The following LAMP3 variants were observed in gnomAD, a reference collection of about 807,000 sequenced individuals.
LAMP3 encodes the protein lysosome-associated membrane glycoprotein 3.
Under a neutral mutation model 34.8 loss-of-function variants are expected in LAMP3, and 26 were observed. The observed-to-expected ratio is 0.75, with a 90% CI of 0.55 to 1.04. The LOEUF (loss-of-function observed/expected upper bound fraction) is 1.04. Among genes scored for constraint, LAMP3 ranks in the 50% least tolerant of loss-of-function variants. LAMP3 has a pLI of 0.00. For missense variants in LAMP3, 495 were observed against 524.0 expected (o/e 0.94, Z 0.54); for synonymous variants, 180 against 201.9 (o/e 0.89, Z 0.92).
intron 1 of LAMP3, 133 bp from the exon 2 acceptor site, chr3:183,154,524 A>T: frequency 1.5e-6 from 1 of 674,516 alleles, no homozygotes; most frequent in Admixed American, 2.9e-5. Flanking sequence ...GAAATTTGCA[A>T]GGGTACAACA....
chr3:183,130,851 T>C (rs973266338), intron 5 of LAMP3, among the ~76,000 whole-genome samples: 2 of 152,104 alleles, frequency 1.3e-5, no homozygotes, highest in Admixed American at 6.6e-5. Context: ...CTTTTTTTTT[T>C]CCTCCAGGTT....
At chr3:183,131,517 A>G (rs562118423) in intron 5 of LAMP3, among the ~76,000 whole-genome samples, 1 of 152,144 alleles carries the variant, frequency 6.6e-6, no homozygotes, top group Non-Finnish European at 1.5e-5. Context: ...TCAGATTGTC[A>G]TCAACATCTG....
At chr3:183,142,497 G>A (rs1229630279) in intron 3 of LAMP3, among the ~76,000 whole-genome samples, 1 of 151,882 alleles carries the variant, frequency 6.6e-6, no homozygotes, top group East Asian at 1.9e-4. Context: ...CACTGACATT[G>A]CCTCACTTGA....
chr3:183,134,839 A>C (rs2108598080), intron 5 of LAMP3, among the ~76,000 whole-genome samples: 1 of 152,378 alleles, frequency 6.6e-6, no homozygotes, highest in Non-Finnish European at 1.5e-5. Context: ...ATTTTTGATA[A>C]CTGGGAAGTA....
chr3:183,150,565 CTT>C (rs10665288), intron 3 of LAMP3, among the ~76,000 whole-genome samples: 56 of 86,092 alleles, frequency 6.5e-4, no homozygotes, highest in East Asian at 1.7e-3. Context: ...GCCAAAGTGA[CTT>C]TTTTTTTTTT....
intron 2 of LAMP3, among the ~76,000 whole-genome samples, chr3:183,153,392 G>C (rs1241031397): frequency 6.6e-6 from 1 of 152,168 alleles, no homozygotes; most frequent in Non-Finnish European, 1.5e-5. Flanking sequence ...GAGGGGCTGA[G>C]ATCAACGCTG....
At chr3:183,139,994 G>A (rs866317943) in intron 4 of LAMP3, among the ~76,000 whole-genome samples, 13 of 152,298 alleles carry the variant, frequency 8.5e-5, no homozygotes, top group South Asian at 2.1e-4. Flanking sequence ...TGCCAATCAT[G>A]ATCTCTGACG....
chr3:183,154,627 C>T (rs1720773132), intron 1 of LAMP3, among the ~76,000 whole-genome samples: 1 of 152,202 alleles, frequency 6.6e-6, no homozygotes, highest in African/African-American at 2.4e-5. Context: ...GACAGTTCCA[C>T]AGCACCCAGC....
At chr3:183,144,910 AC>A (rs1720395512) in intron 3 of LAMP3, among the ~76,000 whole-genome samples, 3 of 152,236 alleles carry the variant, frequency 2.0e-5, no homozygotes, top group South Asian at 4.1e-4. Context: ...TTCTCAAAAA[AC>A]AAAAAAAGCT....
intron 5 of LAMP3, among the ~76,000 whole-genome samples, chr3:183,125,743 A>G (rs1488034800): frequency 6.6e-6 from 1 of 152,134 alleles, no homozygotes; most frequent in Non-Finnish European, 1.5e-5. Context: ...TTTGTTACTT[A>G]TATATGTTTC....
At chr3:183,126,678 A>G (rs1024793723) in intron 5 of LAMP3, among the ~76,000 whole-genome samples, 2 of 152,332 alleles carry the variant, frequency 1.3e-5, no homozygotes, top group Admixed American at 1.3e-4. Context: ...GCACAAACAA[A>G]AAAGTAAAAC....
chr3:183,122,536 G>C lies in LAMP3; in HGVS notation c.*1545C>G, dbSNP rs141496275. 5 of 152,144 alleles carry C rather than the reference G, an allele frequency of 3.3e-5. No individual in the cohort carries two copies. The highest frequency in any genetic ancestry group is 7.4e-5 in the Non-Finnish European group (5 of 68,020). 9.4% of individuals were successfully genotyped at this position (152,144 alleles called of 1,614,324 possible). A position where few individuals can be genotyped will look rare whatever the true frequency, so the allele number is the denominator to read the frequency against. ...GAAGCAGCAAGTTACCACAAGATGGGGCTATACACTCAAGAAAGAACAGTT... is the reference window on the plus strand; with the variant it reads ...GAAGCAGCAAGTTACCACAAGATGGCGCTATACACTCAAGAAAGAACAGTT... On this transcript the variant is annotated 3_prime_UTR_variant, in exon 6 of 6. Transcript: ENST00000265598.
upstream of LAMP3, chr3:183,162,791 C>T (rs1721018483): frequency 2.5e-6 from 2 of 809,878 alleles, no homozygotes; most frequent in Non-Finnish European, 3.6e-6. Context: ...CGCCCAGGGC[C>T]GCTGGGCGGG....
intron 3 of LAMP3, among the ~76,000 whole-genome samples, chr3:183,148,925 G>C (rs1415657354): frequency 6.6e-6 from 1 of 152,164 alleles, no homozygotes; most frequent in Non-Finnish European, 1.5e-5. Context: ...AACAGCTAAG[G>C]TTTGCAGGCA....
At chr3:183,156,758 A>G (rs1333823112) in intron 1 of LAMP3, among the ~76,000 whole-genome samples, 1 of 152,190 alleles carries the variant, frequency 6.6e-6, no homozygotes, top group African/African-American at 2.4e-5. Context: ...GTACTACTTT[A>G]TCCATCTTTC....
At chr3:183,131,691 A>G (rs1221127232) in intron 5 of LAMP3, among the ~76,000 whole-genome samples, 2 of 152,210 alleles carry the variant, frequency 1.3e-5, no homozygotes. Context: ...AGTAGGCAGT[A>G]GTTTTAGAGT....
At chr3:183,152,634 AGAC>A (rs1244128490) in intron 2 of LAMP3, 131 bp from the exon 3 acceptor site, 3 of 730,104 alleles carry the variant, frequency 4.1e-6, no homozygotes, top group Non-Finnish European at 6.5e-6. Context: ...CAAAGTCCCC[AGAC>A]AACACCTCTC....
Position 183,153,668 on chromosome 3 carries a change from T to C in LAMP3, c.759+14A>G. The C allele has an allele frequency of 6.7e-7, 1 of 1,497,506 alleles. No homozygotes were observed. The highest frequency in any genetic ancestry group is 1.4e-5 in the South Asian group (1 of 73,746). 92.8% of individuals were successfully genotyped at this position (1,497,506 alleles called of 1,614,324 possible). A position where few individuals can be genotyped will look rare whatever the true frequency, so the allele number is the denominator to read the frequency against. On this transcript the variant is annotated intron_variant, in intron 2 of 5. Coordinates refer to ENST00000265598, the MANE Select transcript of LAMP3 (RefSeq NM_014398.4). ...TTTTGAAGATAGTGTTATAGTCCTG[T>C]GGCCCCAACTTACCGACTCCTTGTC...
intron 3 of LAMP3, among the ~76,000 whole-genome samples, chr3:183,143,242 G>A (rs568277377): frequency 6.6e-6 from 1 of 152,134 alleles, no homozygotes; most frequent in Admixed American, 6.5e-5. Flanking sequence ...CCAAGTAGCT[G>A]GGACTACAAG....
Sources: allele counts gnomAD v4.1 joint callset (sites outside exome capture counted in the v4.1 genomes callset), GRCh38; gene constraint gnomAD v4.1.1; transcripts MANE v1.5; gene names NCBI Gene and HGNC (gene_info 2026-07-23, HGNC 2026-07-21).